The following GALNT9 variants were observed in gnomAD, a reference collection of about 807,000 sequenced individuals.
GALNT9 encodes GalNAc transferase 9.
GALNT9 carries 47 observed loss-of-function variants against 63.1 expected under a neutral mutation model. The ratio of observed to expected loss-of-function variants is 0.75; its 90% confidence interval spans 0.59 to 0.95. GALNT9 has a LOEUF of 0.95. Among genes scored for constraint, GALNT9 ranks in the 40% least tolerant of loss-of-function variants. The pLI, the probability that GALNT9 is intolerant of heterozygous loss-of-function variation, is 0.00. For synonymous variants in GALNT9, 396 were observed against 365.7 expected, an observed-to-expected ratio of 1.08 and a Z score of -0.94; for missense variants, 829 against 874.8, an observed-to-expected ratio of 0.95 and a Z score of 0.66.
chr12:132,247,722 T>A lies in GALNT9; in HGVS notation c.1077+188A>T, dbSNP rs28709542. 5.8e-6 allele frequency: 5 copies of A among 863,642 alleles called. No individual in the cohort carries two copies. In the African/African-American group the frequency reaches 1.1e-4, roughly 19 times the overall value. 53.5% of individuals were successfully genotyped at this position (863,642 alleles called of 1,614,324 possible). On this transcript the variant is annotated intron_variant, in intron 6 of 10. Coordinates refer to ENST00000328957, the MANE Select transcript of GALNT9 (RefSeq NM_001122636.2). ...CACCCCGTCCCCAGACACCGCGGCCTCACTCGCCCTCACCCCGTCCCCAGA... is the reference window on the plus strand; with the variant it reads ...CACCCCGTCCCCAGACACCGCGGCCACACTCGCCCTCACCCCGTCCCCAGA...
chr12:132,217,085 T>C (rs771179393), intron 6 of GALNT9, among the ~76,000 whole-genome samples: 1 of 152,298 alleles, frequency 6.6e-6, no homozygotes, highest in African/African-American at 2.4e-5. Flanking sequence ...CCAATATTCC[T>C]TGGATACAGT....
At chr12:132,301,171 G>A (rs782751172) in intron 1 of GALNT9, among the ~76,000 whole-genome samples, 5 of 152,260 alleles carry the variant, frequency 3.3e-5, no homozygotes, top group African/African-American at 7.2e-5. Flanking sequence ...ACAGTGCTCC[G>A]AACTGCAAAG....
At chr12:132,206,988 C>T (rs1049973044) in intron 6 of GALNT9, among the ~76,000 whole-genome samples, 2 of 152,148 alleles carry the variant, frequency 1.3e-5, no homozygotes, top group African/African-American at 4.8e-5. Context: ...TCACCTGAGC[C>T]CGGGAGGTTG....
rs1876383788 is a variant in GALNT9 at position 132,203,642 on chromosome 12, C to T, written c.1126G>A (p.Ala376Thr). ...GGCTTCCTGGTGCGCTCGATGTGGGCCACGCGGGAGCAGGGCAGCACCTCC... is the reference window on the plus strand; with the variant it reads ...GGCTTCCTGGTGCGCTCGATGTGGGTCACGCGGGAGCAGGGCAGCACCTCC... ...SMEVLPCSRV[A>T]HIERTRKPYN... is the part of the protein sequence containing the mutation. The change falls in exon 7 of 11, where the codon GCC becomes ACC. Residue 376 changes from alanine to threonine, a missense_variant. Coordinates refer to ENST00000328957, the MANE Select transcript of GALNT9 (RefSeq NM_001122636.2). 3.1e-6 allele frequency: 5 copies of T among 1,613,820 alleles called. No homozygotes were observed. The highest frequency in any genetic ancestry group is 4.2e-6 in the Non-Finnish European group (5 of 1,179,850).
intron 4 of GALNT9, 80 bp downstream of exon 4, chr12:132,260,868 G>A: frequency 7.0e-7 from 1 of 1,436,446 alleles, no homozygotes; most frequent in South Asian, 1.5e-5. Flanking sequence ...CGGCCAGGCT[G>A]CAGCCGCACG....
intron 1 of GALNT9, among the ~76,000 whole-genome samples, chr12:132,293,730 C>G (rs576270375): frequency 6.6e-6 from 1 of 152,152 alleles, no homozygotes; most frequent in South Asian, 2.1e-4. Flanking sequence ...ACCCTGTATA[C>G]AGCCAGGGCC....
At chr12:132,304,498 T>C (rs868921117) in intron 1 of GALNT9, among the ~76,000 whole-genome samples, 368 of 4,124 alleles carry the variant, frequency 0.089, 9 homozygotes, top group East Asian at 0.29. Flanking sequence ...GACACACCCT[T>C]GCCCGGGCAC....
intron 2 of GALNT9, among the ~76,000 whole-genome samples, chr12:132,267,908 T>G (rs1188833426): frequency 1.2e-5 from 1 of 83,646 alleles, no homozygotes; most frequent in Non-Finnish European, 2.4e-5. Context: ...CGCACACAAA[T>G]CCACATGCAC....
chr12:132,300,540 A>T (rs1472943913), intron 1 of GALNT9, among the ~76,000 whole-genome samples: 1 of 131,644 alleles, frequency 7.6e-6, no homozygotes, highest in East Asian at 2.3e-4. Flanking sequence ...GAGATAACTC[A>T]CTCCCATAAC....
chr12:132,283,228 C>T (rs1880432837), intron 2 of GALNT9: 1 of 152,364 alleles, frequency 6.6e-6, no homozygotes, highest in African/African-American at 2.4e-5. Flanking sequence ...ATTCGAAAAC[C>T]AGTGCCGGAC....
chr12:132,308,094 A>G (rs1383926400), intron 1 of GALNT9, among the ~76,000 whole-genome samples: 1 of 152,092 alleles, frequency 6.6e-6, no homozygotes, highest in Non-Finnish European at 1.5e-5. Context: ...GGGAGATTCG[A>G]CACAGACAGA....
intron 2 of GALNT9, among the ~76,000 whole-genome samples, chr12:132,270,674 ACACAGCCACAGCCATGGC>A (rs1221787248): frequency 2.6e-5 from 4 of 152,310 alleles, no homozygotes; most frequent in Non-Finnish European, 4.4e-5. Context: ...GAGCCCGACC[ACACAGCCACAGCCATGGC>A]CACAGCCACA....
intron 6 of GALNT9, among the ~76,000 whole-genome samples, chr12:132,234,653 T>C (rs1215587445): frequency 3.8e-4 from 5 of 13,188 alleles, no homozygotes; most frequent in African/African-American, 1.5e-3. Context: ...CAGCGTGGAG[T>C]CCCTAGTGCC....
intron 9 of GALNT9, among the ~76,000 whole-genome samples, 195 bp from the exon 10 acceptor site, chr12:132,198,154 G>A (rs893246853): frequency 3.9e-5 from 6 of 152,214 alleles, no homozygotes; most frequent in Non-Finnish European, 7.3e-5. Flanking sequence ...CGGGCTGGAC[G>A]GCGCCCAAAT....
Position 132,329,381 on chromosome 12 carries a change from TC to T in GALNT9, c.-179del. On this transcript the variant is annotated 5_prime_UTR_variant, in exon 1 of 11. The change abolishes the stop of an existing upstream ORF in the 5' untranslated region. Transcript: ENST00000328957. ...CGCGCCGGGCCACGGCCGCCGGGGG[TC>T]CCCCAGAGCGCAGAGGGCTGCCCGG... is the stretch of plus-strand genomic sequence containing the variant. 2 of 944,432 alleles carry T rather than the reference TC, an allele frequency of 2.1e-6. No homozygotes were observed. The highest frequency in any genetic ancestry group is 2.5e-5 in the South Asian group (1 of 39,502). The allele number at this position is 944,432 out of a possible 1,614,324, so 58.5% of individuals were successfully genotyped here.
intron 1 of GALNT9, among the ~76,000 whole-genome samples, chr12:132,318,527 C>A (rs576049852): frequency 2.6e-5 from 4 of 152,368 alleles, no homozygotes; most frequent in South Asian, 4.1e-4. Context: ...GCCTCACAGG[C>A]AGCATCCACG....
intron 8 of GALNT9, among the ~76,000 whole-genome samples, chr12:132,199,568 C>CCGCCTGCT (rs1270456658): frequency 6.6e-6 from 1 of 152,164 alleles, no homozygotes; most frequent in Non-Finnish European, 1.5e-5. Context: ...CCCTGCCTTG[C>CCGCCTGCT]CGCCTGCTCC....
intron 6 of GALNT9, among the ~76,000 whole-genome samples, chr12:132,226,514 A>G (rs1877694418): frequency 6.8e-6 from 1 of 148,002 alleles, no homozygotes; most frequent in Non-Finnish European, 1.5e-5. Flanking sequence ...CATACCATAT[A>G]CACACCCCAC....
At position 132,246,539 on chromosome 12, in the gene GALNT9, C is replaced by T. The variant is rs551034613; in HGVS notation, c.1077+1371G>A. ...ACGGTATTATTTTATTTTATTTTAT[C>T]ATATATTTTTTGAAATGGAGTCTCA... On this transcript the variant is annotated intron_variant, in intron 6 of 10. Coordinates refer to ENST00000328957, the MANE Select transcript of GALNT9 (RefSeq NM_001122636.2). The surrounding 1 kb of genome is among the most constrained non-coding windows in gnomAD (Gnocchi z 4.7). Among the ~76,000 whole-genome samples the T allele has an allele frequency of 3.3e-5, 5 of 152,154 alleles. No individual in the cohort carries two copies. The South Asian group carries it at 1.0e-3, about 32-fold the overall frequency.
Sources: allele counts gnomAD v4.1 joint callset (sites outside exome capture counted in the v4.1 genomes callset), GRCh38; gene constraint gnomAD v4.1.1; non-coding constraint Gnocchi (gnomAD v3.1); transcripts MANE v1.5; gene names NCBI Gene and HGNC (gene_info 2026-07-23, HGNC 2026-07-21).